The following TMEM156 variants were observed in gnomAD, a reference collection of about 807,000 sequenced individuals.
TMEM156 encodes the protein transmembrane protein 156.
TMEM156 carries 28 observed loss-of-function variants against 30.5 expected under a neutral mutation model. The observed-to-expected ratio is 0.92, with a 90% CI of 0.68 to 1.26. The LOEUF is 1.26. Ranked by LOEUF, TMEM156 falls within the 50% of genes most tolerant of loss-of-function variation. The pLI, the probability that TMEM156 is intolerant of heterozygous loss-of-function variation, is 0.00. For missense variants in TMEM156, 351 were observed against 340.6 expected (o/e 1.03, Z -0.24); for synonymous variants, 137 against 119.9 (o/e 1.14, Z -0.93).
intron 1 of TMEM156, chr4:39,028,727 G>GCTCCCTT (rs1715353939): frequency 6.6e-6 from 1 of 152,202 alleles, no homozygotes; most frequent in Non-Finnish European, 1.5e-5. Context: ...GAGTAAGCTA[G>GCTCCCTT]CTCCCTTAAT....
At chr4:38,979,245 G>A (rs1723058559) in intron 5 of TMEM156, among the ~76,000 whole-genome samples, 1 of 152,222 alleles carries the variant, frequency 6.6e-6, no homozygotes, top group Admixed American at 6.5e-5. Context: ...TGAGGCACCT[G>A]TGCAGCCTTG....
intron 5 of TMEM156, among the ~76,000 whole-genome samples, chr4:38,978,318 G>A (rs1323027928): frequency 6.6e-6 from 1 of 152,124 alleles, no homozygotes; most frequent in Non-Finnish European, 1.5e-5. Context: ...CACAGTATCT[G>A]TCCCTCTGTG....
At chr4:38,974,563 T>C (rs1176864833) in intron 5 of TMEM156, among the ~76,000 whole-genome samples, 1 of 152,244 alleles carries the variant, frequency 6.6e-6, no homozygotes, top group African/African-American at 2.4e-5. Flanking sequence ...TAACACATTT[T>C]CTATTTCTTC....
intron 1 of TMEM156, among the ~76,000 whole-genome samples, chr4:39,006,965 AC>A (rs1713781460): frequency 6.6e-6 from 1 of 152,086 alleles, no homozygotes; most frequent in African/African-American, 2.4e-5. Flanking sequence ...AAACAAAAAA[AC>A]AAAAACATGG....
At chr4:39,030,833 T>C (rs1162180342) in intron 1 of TMEM156, among the ~76,000 whole-genome samples, 1 of 152,204 alleles carries the variant, frequency 6.6e-6, no homozygotes, top group African/African-American at 2.4e-5. Context: ...ATAGATTATC[T>C]TTATTCTAAC....
At chr4:38,990,889 G>A (rs28384325) in intron 3 of TMEM156, among the ~76,000 whole-genome samples, 69,231 of 133,970 alleles carry the variant, frequency 0.52, 18,214 homozygotes, top group East Asian at 0.71. Context: ...GCTGGAGTGC[G>A]GTGGTGCGAT....
intron 1 of TMEM156, among the ~76,000 whole-genome samples, chr4:39,007,083 C>T (rs1344797621): frequency 6.6e-6 from 1 of 152,160 alleles, no homozygotes; most frequent in Non-Finnish European, 1.5e-5. Flanking sequence ...TGTAATGACA[C>T]CTCTGTCATA....
At chr4:38,970,238 A>G (rs1722532228) in intron 6 of TMEM156, among the ~76,000 whole-genome samples, 1 of 151,900 alleles carries the variant, frequency 6.6e-6, no homozygotes, top group African/African-American at 2.4e-5. Context: ...TAAAGACAGT[A>G]GCAGGGCCCC....
intron 5 of TMEM156, among the ~76,000 whole-genome samples, chr4:38,978,336 C>T (rs773269713): frequency 1.8e-4 from 28 of 152,286 alleles, no homozygotes; most frequent in East Asian, 1.9e-4. Flanking sequence ...GTGCCCTCCA[C>T]GTCCCAAATA....
At chr4:39,009,380 T>C (rs1713956543) in intron 1 of TMEM156, among the ~76,000 whole-genome samples, 1 of 152,102 alleles carries the variant, frequency 6.6e-6, no homozygotes, top group South Asian at 2.1e-4. Flanking sequence ...GAAAGGATTC[T>C]TCCCTAATTT....
At chr4:39,008,830 C>T (rs540994612) in intron 1 of TMEM156, among the ~76,000 whole-genome samples, 29 of 151,988 alleles carry the variant, frequency 1.9e-4, no homozygotes, top group Admixed American at 3.3e-4. Flanking sequence ...AATTAACAAC[C>T]TAAGCATACA....
At chr4:38,969,743 T>A (rs1722508096) in intron 6 of TMEM156, among the ~76,000 whole-genome samples, 1 of 152,064 alleles carries the variant, frequency 6.6e-6, no homozygotes, top group Non-Finnish European at 1.5e-5. Flanking sequence ...CAGACACGTG[T>A]CACCACGCCT....
At chr4:39,009,509 G>A (rs1252172849) in intron 1 of TMEM156, among the ~76,000 whole-genome samples, 5 of 152,038 alleles carry the variant, frequency 3.3e-5, no homozygotes, top group Non-Finnish European at 7.4e-5. Flanking sequence ...CAAAATATTA[G>A]CAAACCAAAT....
chr4:38,978,961 A>G (rs903426708), intron 5 of TMEM156, among the ~76,000 whole-genome samples: 1 of 152,198 alleles, frequency 6.6e-6, no homozygotes, highest in African/African-American at 2.4e-5. Context: ...AAGGGAATGC[A>G]TTTTAAGACC....
chr4:38,981,910 A>G (rs953790472), intron 5 of TMEM156, among the ~76,000 whole-genome samples: 2 of 152,184 alleles, frequency 1.3e-5, no homozygotes, highest in African/African-American at 4.8e-5. Flanking sequence ...CGTAGTCAGT[A>G]TTCAGTAAAT....
intron 1 of TMEM156, among the ~76,000 whole-genome samples, chr4:39,004,634 T>C (rs559895127): frequency 6.6e-6 from 1 of 152,160 alleles, no homozygotes; most frequent in Non-Finnish European, 1.5e-5. Context: ...TGTTGATACA[T>C]AGAGCTGTAG....
chr4:38,992,763 T>TATA (rs112676288), intron 3 of TMEM156, among the ~76,000 whole-genome samples: 1 of 68,030 alleles, frequency 1.5e-5, no homozygotes, highest in African/African-American at 5.6e-5. Context: ...TATATATATA[T>TATA]TTTTTTTTGT....
At position 38,986,533 on chromosome 4, in the gene TMEM156, G is replaced by C. The variant is rs953338959; in HGVS notation, c.740-114C>G. 3.8e-5 allele frequency: 29 copies of C among 771,984 alleles called. No individual in the cohort carries two copies. In the African/African-American group the frequency reaches 4.1e-4, roughly 11 times the overall value. 47.8% of individuals were successfully genotyped at this position (771,984 alleles called of 1,614,324 possible). ...AAAGAATGGAGCCATTCATGGCCAG[G>C]CACGGTGGTTCACGCCTGTAATCCC... On this transcript the variant is annotated intron_variant, in intron 4 of 6. Coordinates refer to ENST00000381938, the MANE Select transcript of TMEM156 (RefSeq NM_024943.3).
chr4:38,985,153 A>G (rs1054566765), intron 5 of TMEM156, among the ~76,000 whole-genome samples: 2 of 152,222 alleles, frequency 1.3e-5, no homozygotes, highest in African/African-American at 2.4e-5. Context: ...GTAAGAGGGG[A>G]GCCCAGGGAA....
Sources: gnomAD v4.1 joint callset for allele counts (sites outside exome capture counted in the v4.1 genomes callset) on GRCh38, gnomAD v4.1.1 for gene constraint, MANE v1.5 for transcripts, NCBI Gene and HGNC (gene_info 2026-07-23, HGNC 2026-07-21) for gene names.